Variants in ITGAE observed in about 807,000 individuals in gnomAD.
ITGAE encodes the protein integrin alpha-E.
ITGAE carries 99 observed loss-of-function variants against 136.5 expected under a neutral mutation model. The observed-to-expected ratio is 0.73, with a 90% CI of 0.62 to 0.86. ITGAE has a LOEUF of 0.86. Among genes scored for constraint, ITGAE ranks in the 40% least tolerant of loss-of-function variants. The pLI is 0.00. For synonymous variants in ITGAE, 613 were observed against 591.8 expected (o/e 1.04, Z -0.52); for missense variants, 1,447 against 1,515.3 (o/e 0.95, Z 0.75).
At chr17:3,740,445 C>T (rs550023186) in intron 19 of ITGAE, among the ~76,000 whole-genome samples, 35 of 152,286 alleles carry the variant, frequency 2.3e-4, no homozygotes, top group Non-Finnish European at 3.1e-4. Context: ...GGCGCGATCT[C>T]GGCTCACTGC....
chr17:3,746,812 C>G (rs1160267283), intron 17 of ITGAE, among the ~76,000 whole-genome samples: 1 of 152,130 alleles, frequency 6.6e-6, no homozygotes, highest in Admixed American at 6.5e-5. Context: ...AGGATGGTCT[C>G]GATCTCCTGA....
At chr17:3,800,021 A>G (rs2053212582) in intron 1 of ITGAE, among the ~76,000 whole-genome samples, 1 of 152,236 alleles carries the variant, frequency 6.6e-6, no homozygotes, top group Non-Finnish European at 1.5e-5. Context: ...CGGGAGGCTG[A>G]GGCAGGAGAA....
At chr17:3,800,271 C>T (rs918605080) in intron 1 of ITGAE, among the ~76,000 whole-genome samples, 2 of 152,182 alleles carry the variant, frequency 1.3e-5, no homozygotes, top group African/African-American at 4.8e-5. Flanking sequence ...CAGCCTCAGC[C>T]CATCTTTCAG....
chr17:3,784,868 G>A (rs990296757), intron 1 of ITGAE, among the ~76,000 whole-genome samples: 11 of 152,070 alleles, frequency 7.2e-5, no homozygotes, highest in African/African-American at 2.4e-4. Flanking sequence ...ACAGTGGCTC[G>A]TGCCTGTCAT....
intron 23 of ITGAE, chr17:3,730,393 A>C (rs1405730217): frequency 2.0e-5 from 3 of 148,926 alleles, no homozygotes; most frequent in South Asian, 2.3e-4. Flanking sequence ...CAGAGGTTGC[A>C]GTGAGCCGAG....
rs758274369 is a variant in ITGAE, at chr17:3,757,889, A to G, written c.867-30T>C. 1.9e-6 allele frequency: 3 copies of G among 1,612,016 alleles called. No homozygotes were observed. The Admixed American group carries it at 5.0e-5, about 27-fold the overall frequency. On this transcript the variant is annotated intron_variant, in intron 8 of 30. Transcript: ENST00000263087. Reference sequence around the variant, plus strand: ...GCAGGGGAGAGTAAATGAAGAAGAGAGCTTTGCCAGAAGGATGACCGAGCT... The same window carrying G: ...GCAGGGGAGAGTAAATGAAGAAGAGGGCTTTGCCAGAAGGATGACCGAGCT...
chr17:3,742,830 T>G (rs2051618522), intron 19 of ITGAE, among the ~76,000 whole-genome samples: 1 of 152,174 alleles, frequency 6.6e-6, no homozygotes, highest in Non-Finnish European at 1.5e-5. Flanking sequence ...TTTTGTATTT[T>G]TAGTAGAGAC....
chr17:3,787,843 A>C (rs1445113374), intron 1 of ITGAE, among the ~76,000 whole-genome samples: 1 of 151,728 alleles, frequency 6.6e-6, no homozygotes, highest in Non-Finnish European at 1.5e-5. Context: ...GCCCGCCACC[A>C]CGCCCGGGTA....
At chr17:3,763,782 G>T in intron 3 of ITGAE, 87 bp downstream of exon 3, 1 of 1,036,440 alleles carries the variant, frequency 9.6e-7, no homozygotes, top group Admixed American at 1.7e-5. Flanking sequence ...GGCAGGGCTG[G>T]GGTTGGAATG....
intron 19 of ITGAE, among the ~76,000 whole-genome samples, chr17:3,742,815 C>T (rs2051618215): frequency 6.6e-6 from 1 of 152,128 alleles, no homozygotes; most frequent in South Asian, 2.1e-4. Flanking sequence ...CCACACCCGG[C>T]CAATTTTTGT....
chr17:3,751,352 G>A (rs1361142591), intron 15 of ITGAE, among the ~76,000 whole-genome samples: 1 of 151,930 alleles, frequency 6.6e-6, no homozygotes, highest in African/African-American at 2.4e-5. Context: ...GAGGCAGGTG[G>A]GTGGAAGGAG....
chr17:3,717,519 A>G (rs2050965983), intron 29 of ITGAE: 1 of 152,078 alleles, frequency 6.6e-6, no homozygotes, highest in African/African-American at 2.4e-5. Context: ...CCTTCCTGAG[A>G]CCCAGGTATG....
At position 3,745,807 on chromosome 17, in the gene ITGAE, G is replaced by A; in HGVS notation, c.2276C>T (p.Ser759Phe). ...GAGCAGGAGGTCCTCACAAAGCTGG[G>A]ATCCGCTGCTCCACTCCCTCAGGCA... Reference protein sequence around the residue: ...LGCLREWSSGSQLCEDLLLMP... With the variant: ...LGCLREWSSGFQLCEDLLLMP... The change falls in exon 18 of 31, where the codon TCC (serine) becomes TTC (phenylalanine). Residue 759 changes from serine to phenylalanine, a missense_variant. Physicochemically the swap from Ser to Phe is radical, Grantham distance 155 (BLOSUM62 -2). Around this residue, in one of 3 missense-constraint regions of ITGAE, gnomAD observed 1,031 missense variants for 1,011.4 expected, o/e 1.02. Transcript: ENST00000263087. 1 of 1,614,078 alleles carries A rather than the reference G, an allele frequency of 6.2e-7. No individual in the cohort carries two copies. The highest frequency in any genetic ancestry group is 1.7e-5 in the Admixed American group (1 of 60,010).
intron 26 of ITGAE, among the ~76,000 whole-genome samples, chr17:3,727,260 G>T (rs2051235034): frequency 6.6e-6 from 1 of 152,148 alleles, no homozygotes. Context: ...AAGAGTCTCA[G>T]GGGAGAAGAA....
chr17:3,758,486 C>T (rs1370979596), intron 8 of ITGAE, among the ~76,000 whole-genome samples: 1 of 152,068 alleles, frequency 6.6e-6, no homozygotes, highest in Admixed American at 6.6e-5. Flanking sequence ...GAGTCTCGCT[C>T]TGTCACCCAG....
At chr17:3,756,838 C>T (rs934280978) in intron 10 of ITGAE, 146 bp downstream of exon 10, 9 of 851,270 alleles carry the variant, frequency 1.1e-5, no homozygotes, top group Admixed American at 8.7e-5. Flanking sequence ...CCACCACACC[C>T]GGCCATTGCC....
chr17:3,799,030 G>GCCAGT lies in ITGAE; in HGVS notation c.34+2076_34+2080dup, dbSNP rs1442358088. The stretch of plus-strand genomic sequence containing the variant: ...GAGTGGAAGGTCAGGGCCAGGCCAG[G>GCCAGT]CCAGTCCTGGATTCTCTCCAGCCTA... On this transcript the variant is annotated intron_variant, in intron 1 of 30. Transcript: ENST00000263087. This position sits in a 1 kb window ranked among gnomAD's most constrained non-coding sequence, Gnocchi z 4.1. 2.0e-5 allele frequency among the ~76,000 whole-genome samples: 3 copies of GCCAGT among 152,178 alleles called. No homozygotes were observed. Among genetic ancestry groups the GCCAGT allele is most frequent in the African/African-American group, 7.2e-5 (3 of 41,444 alleles).
chr17:3,737,871 AG>A (rs914608052), intron 20 of ITGAE, among the ~76,000 whole-genome samples: 2 of 152,060 alleles, frequency 1.3e-5, no homozygotes, highest in African/African-American at 2.4e-5. Flanking sequence ...TATGTACACT[AG>A]GGGGCGATGT....
At position 3,745,799 on chromosome 17, in the gene ITGAE, A is replaced by G. The variant is rs748455755; in HGVS notation, c.2284T>C (p.Cys762Arg). 6.2e-7 allele frequency: 1 copy of G among 1,614,048 alleles called. No homozygotes were observed. The highest frequency in any genetic ancestry group is 1.1e-5 in the South Asian group (1 of 91,068). ...LREWSSGSQL[C>R]EDLLLMPTEG... ...GTGGGCATGAGCAGGAGGTCCTCAC[A>G]AAGCTGGGATCCGCTGCTCCACTCC... Residue 762 changes from cysteine (C) to arginine (R), a missense_variant, in exon 18 of 31, where the codon TGT (cysteine) becomes CGT (arginine). Physicochemically the swap from Cys to Arg is radical, Grantham distance 180. Around this residue, in one of 3 missense-constraint regions of ITGAE, gnomAD observed 1,031 missense variants for 1,011.4 expected, o/e 1.02. Coordinates refer to ENST00000263087, the MANE Select transcript of ITGAE (RefSeq NM_002208.5).
Sources: gnomAD v4.1 joint callset for allele counts (sites outside exome capture counted in the v4.1 genomes callset) on GRCh38, gnomAD v4.1.1 for gene constraint, gnomAD v4.1.1 regional missense constraint, Gnocchi (gnomAD v3.1) non-coding constraint, MANE v1.5 for transcripts, NCBI Gene and HGNC (gene_info 2026-07-23, HGNC 2026-07-21) for gene names.